The following NDUFAF7 variants were observed in gnomAD, a reference collection of about 807,000 sequenced individuals.
NDUFAF7 encodes protein arginine methyltransferase NDUFAF7, mitochondrial.
NDUFAF7 carries 48 observed loss-of-function variants against 47.2 expected under a neutral mutation model. The ratio of observed to expected loss-of-function variants is 1.02; its 90% confidence interval spans 0.81 to 1.29. The LOEUF (loss-of-function observed/expected upper bound fraction) is 1.29. Ranked by LOEUF, NDUFAF7 falls within the 50% of genes most tolerant of loss-of-function variation. The pLI is 0.00. For synonymous variants in NDUFAF7, 217 were observed against 190.0 expected (o/e 1.14, Z -1.17); for missense variants, 635 against 537.6 (o/e 1.18, Z -1.79).
Position 37,247,474 on chromosome 2 carries a change from C to T in NDUFAF7, c.955C>T (p.Leu319Phe), listed in dbSNP as rs1414684986. The change falls in exon 9 of 10, where the codon CTT becomes TTT. Residue 319 changes from leucine (L) to phenylalanine (F), a missense_variant. Coordinates refer to ENST00000002125, the MANE Select transcript of NDUFAF7 (RefSeq NM_144736.5). ...GTTCAAGGGGTTTTGCGACCACAAG[C>T]TTCATGATGTCTTAATTGCCCCAGG... ...DTFRGFCDHK[L>F]HDVLIAPGTA... 6.2e-7 allele frequency: 1 copy of T among 1,613,822 alleles called. No homozygotes were observed. The highest frequency in any genetic ancestry group is 8.5e-7 in the Non-Finnish European group (1 of 1,179,942).
chr2:37,267,227 A>C, the NDUFAF7 span, among the ~76,000 whole-genome samples: 1 of 152,120 alleles, frequency 6.6e-6, no homozygotes, highest in African/African-American at 2.4e-5. Flanking sequence ...TTAAGAATGA[A>C]ATTTTACTTT....
At chr2:37,231,944 G>C in intron 1 of NDUFAF7, 162 bp from the exon 2 acceptor site, 1 of 1,598,172 alleles carries the variant, frequency 6.3e-7, no homozygotes, top group Non-Finnish European at 8.5e-7. Context: ...GGGCAAGTGG[G>C]TGCTGTCTCT....
At chr2:37,249,876 T>A (rs560696017), downstream of NDUFAF7, among the ~76,000 whole-genome samples, 2 of 152,120 alleles carry the variant, frequency 1.3e-5, no homozygotes, top group South Asian at 4.1e-4. Flanking sequence ...CTTAACTGTA[T>A]CAGAAGTTCA....
downstream of NDUFAF7, chr2:37,256,842 G>A (rs771429519): frequency 6.2e-7 from 1 of 1,613,708 alleles, no homozygotes; most frequent in East Asian, 2.2e-5. Flanking sequence ...AGAACTTCAG[G>A]GGCTAAGTAT....
At chr2:37,256,479 CAGATAAAAGTATAAAA>C (rs1434879417), downstream of NDUFAF7, among the ~76,000 whole-genome samples, 2 of 152,040 alleles carry the variant, frequency 1.3e-5, no homozygotes, top group Non-Finnish European at 2.9e-5. Context: ...ACAGAAGACA[CAGATAAAAGTATAAAA>C]AGAAGAGTGC....
chr2:37,244,795 C>T (rs955486067), intron 7 of NDUFAF7, among the ~76,000 whole-genome samples: 1 of 152,180 alleles, frequency 6.6e-6, no homozygotes, highest in Non-Finnish European at 1.5e-5. Context: ...CACTTATGAA[C>T]ACCTGTTTTT....
chr2:37,265,290 A>G, the NDUFAF7 span, among the ~76,000 whole-genome samples: 327 of 152,308 alleles, frequency 2.1e-3, no homozygotes, highest in Admixed American at 5.2e-3. Context: ...CCCATGTGAA[A>G]AAGTTTAGCT....
intron 6 of NDUFAF7, 40 bp downstream of exon 6, chr2:37,242,733 C>T: frequency 6.9e-7 from 1 of 1,443,000 alleles, no homozygotes. Flanking sequence ...TAATTGAATA[C>T]AAAAGGCATT....
At chr2:37,265,441 TATGA>T in the NDUFAF7 span, among the ~76,000 whole-genome samples, 1 of 152,190 alleles carries the variant, frequency 6.6e-6, no homozygotes, top group Admixed American at 6.6e-5. Context: ...CAATATTCTA[TATGA>T]ATAATATTCA....
intron 3 of NDUFAF7, 122 bp from the exon 4 acceptor site, chr2:37,237,635 C>CAT: frequency 1.4e-6 from 1 of 715,828 alleles, no homozygotes; most frequent in Non-Finnish European, 2.5e-6. Context: ...GAACAACATA[C>CAT]ATATGGCTGT....
intron 4 of NDUFAF7, 62 bp downstream of exon 4, chr2:37,237,929 C>A: frequency 1.7e-6 from 2 of 1,147,990 alleles, no homozygotes; most frequent in Non-Finnish European, 2.6e-6. Flanking sequence ...TCTGAGTGTG[C>A]AAACCATGTT....
chr2:37,268,461 G>A, the NDUFAF7 span: 4 of 407,266 alleles, frequency 9.8e-6, no homozygotes, highest in Non-Finnish European at 2.0e-5. Flanking sequence ...CTAGGTGCTA[G>A]GAATACAAAG....
downstream of NDUFAF7, among the ~76,000 whole-genome samples, chr2:37,249,725 A>G (rs1667326230): frequency 1.3e-5 from 2 of 151,564 alleles, no homozygotes; most frequent in Non-Finnish European, 2.9e-5. Context: ...TTAGTTCTGT[A>G]TTATGTTTTC....
At chr2:37,233,035 G>A (rs1665348310) in intron 2 of NDUFAF7, among the ~76,000 whole-genome samples, 2 of 152,204 alleles carry the variant, frequency 1.3e-5, no homozygotes, top group Non-Finnish European at 2.9e-5. Context: ...GGTTAGGCAG[G>A]GCTGCAAGAT....
downstream of NDUFAF7, chr2:37,256,563 T>A: frequency 1.5e-6 from 2 of 1,351,172 alleles, no homozygotes; most frequent in Non-Finnish European, 1.9e-6. Flanking sequence ...ACTAAAAAGA[T>A]AAGTTGCAAG....
chr2:37,245,176 T>C (rs920951059), intron 7 of NDUFAF7, among the ~76,000 whole-genome samples: 1 of 152,250 alleles, frequency 6.6e-6, no homozygotes, highest in Non-Finnish European at 1.5e-5. Flanking sequence ...TTAAGTAACT[T>C]GTCTACCAGT....
intron 4 of NDUFAF7, among the ~76,000 whole-genome samples, chr2:37,239,989 T>C (rs1666191870): frequency 6.6e-6 from 1 of 152,226 alleles, no homozygotes; most frequent in Non-Finnish European, 1.5e-5. Flanking sequence ...TCAGTCTACG[T>C]ACTATTTTAT....
chr2:37,255,663 T>A (rs1667872242), downstream of NDUFAF7, among the ~76,000 whole-genome samples: 3 of 152,202 alleles, frequency 2.0e-5, no homozygotes, highest in African/African-American at 7.2e-5. Context: ...GAGCTCACAG[T>A]CTTGTTCTGA....
In NDUFAF7 at chr2:37,242,628, T is replaced by C. The variant is rs1456375443; in HGVS notation, c.623-7T>C. 6.3e-7 allele frequency: 1 copy of C among 1,577,724 alleles called. No homozygotes were observed. The highest frequency in any genetic ancestry group is 8.7e-7 in the Non-Finnish European group (1 of 1,147,652). ...GAAACATTAATTGTTTTCCTCTTTTTAAATAGGGTACAGCTTTTATCTTGC... is the reference window on the plus strand; with the variant it reads ...GAAACATTAATTGTTTTCCTCTTTTCAAATAGGGTACAGCTTTTATCTTGC... On this transcript the variant is annotated splice_region_variant and splice_polypyrimidine_tract_variant and intron_variant, in intron 5 of 9. Transcript: ENST00000002125.
Sources: allele counts gnomAD v4.1 joint callset (sites outside exome capture counted in the v4.1 genomes callset), GRCh38; gene constraint gnomAD v4.1.1; transcripts MANE v1.5; gene names NCBI Gene and HGNC (gene_info 2026-07-23, HGNC 2026-07-21).